SLC15A5: variants seen among roughly 807,000 people sequenced by gnomAD.
SLC15A5 encodes Peptide/histidine transporter ENSP00000340402.
In SLC15A5, 58 loss-of-function variants were observed where a neutral mutation model predicts 56.1. That is an observed-to-expected ratio of 1.03 (90% CI 0.84 to 1.29). SLC15A5 has a LOEUF of 1.29. Among genes scored for constraint, SLC15A5 ranks in the 50% most tolerant of loss-of-function variants. The pLI is 0.00. For missense variants in SLC15A5, 681 were observed against 672.1 expected (o/e 1.01, Z -0.15); for synonymous variants, 264 against 250.5 (o/e 1.05, Z -0.51).
intron 6 of SLC15A5, among the ~76,000 whole-genome samples, chr12:16,223,064 A>G (rs1282472442): frequency 6.6e-6 from 1 of 152,194 alleles, no homozygotes; most frequent in Non-Finnish European, 1.5e-5. Context: ...ATATATGCAT[A>G]TACTCCAACT....
intron 7 of SLC15A5, among the ~76,000 whole-genome samples, chr12:16,213,575 A>G (rs1368304211): frequency 6.6e-6 from 1 of 152,194 alleles, no homozygotes; most frequent in Non-Finnish European, 1.5e-5. Context: ...ATGCTACTAC[A>G]TCTTCTATTT....
chr12:16,208,370 A>C (rs1199955326), intron 7 of SLC15A5, among the ~76,000 whole-genome samples: 1 of 152,086 alleles, frequency 6.6e-6, no homozygotes, highest in Non-Finnish European at 1.5e-5. Context: ...AATACACTCA[A>C]ATGTCTCTCA....
chr12:16,229,651 C>T (rs1042287699), intron 5 of SLC15A5, among the ~76,000 whole-genome samples: 4 of 125,932 alleles, frequency 3.2e-5, no homozygotes, highest in African/African-American at 1.4e-4. Context: ...CACACATACA[C>T]ACACACACAC....
At chr12:16,189,865 T>C in intron 8 of SLC15A5, 50 bp from the exon 9 acceptor site, 1 of 1,329,012 alleles carries the variant, frequency 7.5e-7, no homozygotes, top group Non-Finnish European at 9.8e-7. Flanking sequence ...GTAGATGAAT[T>C]GATAAATCAT....
chr12:16,224,697 G>T, intron 5 of SLC15A5, 95 bp from the exon 6 acceptor site: 6 of 1,200,676 alleles, frequency 5.0e-6, no homozygotes, highest in East Asian at 2.6e-5. Context: ...GACATTAGAT[G>T]TTTCTTTTTT....
At position 16,237,879 on chromosome 12, in the gene SLC15A5, G is replaced by A. The variant is rs946378053; in HGVS notation, c.1162+1802C>T. Reference sequence around the variant, plus strand: ...ATTATGTTTCAATCATGGACTTGCTGAAGGTATATACAAACCATGTCTTAC... The same window carrying A: ...ATTATGTTTCAATCATGGACTTGCTAAAGGTATATACAAACCATGTCTTAC... On this transcript the variant is annotated intron_variant, in intron 5 of 8. Transcript: ENST00000344941. The surrounding 1 kb of genome is among the most constrained non-coding windows in gnomAD (Gnocchi z 4.1). Among the ~76,000 whole-genome samples the A allele has an allele frequency of 1.3e-5, 2 of 152,122 alleles. No homozygotes were observed. The highest frequency in any genetic ancestry group is 4.8e-5 in the African/African-American group (2 of 41,438).
At chr12:16,255,583 ATTAC>A (rs1338469290) in intron 3 of SLC15A5, among the ~76,000 whole-genome samples, 1 of 152,152 alleles carries the variant, frequency 6.6e-6, no homozygotes, top group African/African-American at 2.4e-5. Flanking sequence ...ATTTGGCAAT[ATTAC>A]TTCTAGGAAT....
intron 4 of SLC15A5, 39 bp from the exon 5 acceptor site, chr12:16,239,906 G>C: frequency 6.6e-7 from 1 of 1,504,218 alleles, no homozygotes; most frequent in Non-Finnish European, 8.9e-7. Context: ...TTAAGACAGG[G>C]GTTTAACTTT....
At chr12:16,221,015 T>A (rs747187215) in intron 6 of SLC15A5, among the ~76,000 whole-genome samples, 7 of 152,130 alleles carry the variant, frequency 4.6e-5, no homozygotes, top group Non-Finnish European at 1.0e-4. Flanking sequence ...ATAACATGTC[T>A]TAGTAGGGTA....
chr12:16,229,572 A>T (rs567698613), intron 5 of SLC15A5, among the ~76,000 whole-genome samples: 1 of 151,696 alleles, frequency 6.6e-6, no homozygotes, highest in African/African-American at 2.4e-5. Context: ...CAAGAATTGG[A>T]TCTAAGTTTG....
chr12:16,216,376 A>C (rs1017286937), intron 7 of SLC15A5, among the ~76,000 whole-genome samples: 4 of 152,190 alleles, frequency 2.6e-5, no homozygotes, highest in African/African-American at 9.6e-5. Flanking sequence ...TTAATATTTC[A>C]AACAATATTT....
Position 16,269,339 on chromosome 12 carries a change from A to G in SLC15A5, c.584+3222T>C, listed in dbSNP as rs1342148130. ...CACTGCGTTGGAACAGTGGTTCTCAACTCTAACTGGGCAGCTTTAAAAAAT... is the reference window on the plus strand; with the variant it reads ...CACTGCGTTGGAACAGTGGTTCTCAGCTCTAACTGGGCAGCTTTAAAAAAT... On this transcript the variant is annotated intron_variant, in intron 2 of 8. Coordinates refer to ENST00000344941, the MANE Select transcript of SLC15A5 (RefSeq NM_001170798.1). This position sits in a 1 kb window ranked among gnomAD's most constrained non-coding sequence, Gnocchi z 4.7. Among the ~76,000 whole-genome samples the G allele has an allele frequency of 6.6e-6, 1 of 152,114 alleles. No individual in the cohort carries two copies. The highest frequency in any genetic ancestry group is 1.5e-5 in the Non-Finnish European group (1 of 68,018).
At chr12:16,244,467 G>GC in intron 4 of SLC15A5, 113 bp downstream of exon 4, 4 of 937,110 alleles carry the variant, frequency 4.3e-6, no homozygotes, top group Non-Finnish European at 6.5e-6. Context: ...GGGGATAACT[G>GC]CCTGCCGACA....
At position 16,189,117 on chromosome 12, in the gene SLC15A5, TTTAAA is replaced by T. The variant is rs1863815676; in HGVS notation, c.*546_*550del. 1 of 152,178 alleles carries T rather than the reference TTTAAA, an allele frequency of 6.6e-6. No individual in the cohort carries two copies. The highest frequency in any genetic ancestry group is 2.4e-5 in the African/African-American group (1 of 41,458). 9.4% of individuals were successfully genotyped at this position (152,178 alleles called of 1,614,324 possible). A position where few individuals can be genotyped will look rare whatever the true frequency, so the allele number is the denominator to read the frequency against. Reference sequence around the variant, plus strand: ...GGACATCTATTTTAGTAATACTGCTTTTAAATTCAGAGAAAATGTCCTTAATGAAG... The same window carrying T: ...GGACATCTATTTTAGTAATACTGCTTTTCAGAGAAAATGTCCTTAATGAAG... On this transcript the variant is annotated 3_prime_UTR_variant, in exon 9 of 9. Coordinates refer to ENST00000344941, the MANE Select transcript of SLC15A5 (RefSeq NM_001170798.1).
intron 2 of SLC15A5, among the ~76,000 whole-genome samples, chr12:16,261,253 C>T (rs1864640494): frequency 6.6e-6 from 1 of 152,168 alleles, no homozygotes; most frequent in Non-Finnish European, 1.5e-5. Context: ...ATTTCCCCTT[C>T]CTCATCTCCA....
At chr12:16,206,848 C>T (rs1177480066) in intron 7 of SLC15A5, among the ~76,000 whole-genome samples, 1 of 152,116 alleles carries the variant, frequency 6.6e-6, no homozygotes, top group African/African-American at 2.4e-5. Flanking sequence ...GCATTGTTCA[C>T]CTGAGCTGCA....
chr12:16,256,830 G>C (rs1864578567), intron 3 of SLC15A5, among the ~76,000 whole-genome samples: 2 of 149,728 alleles, frequency 1.3e-5, no homozygotes, highest in South Asian at 4.3e-4. Flanking sequence ...CTGCACGCCA[G>C]CCTGGACGAC....
In SLC15A5 at chr12:16,237,676, A is replaced by G. The variant is rs1295701083; in HGVS notation, c.1162+2005T>C. 2.0e-5 allele frequency among the ~76,000 whole-genome samples: 3 copies of G among 152,276 alleles called. No individual in the cohort carries two copies. The South Asian group carries it at 6.2e-4, about 32-fold the overall frequency. The stretch of plus-strand genomic sequence containing the variant: ...AATTTAAGATTTCTTATTCTCAGGA[A>G]GAATTTATTTTAGCCATGTTGTATA... On this transcript the variant is annotated intron_variant, in intron 5 of 8. Transcript: ENST00000344941. This position sits in a 1 kb window ranked among gnomAD's most constrained non-coding sequence, Gnocchi z 4.1.
chr12:16,191,142 G>A (rs1034359357), intron 8 of SLC15A5, among the ~76,000 whole-genome samples: 1 of 152,068 alleles, frequency 6.6e-6, no homozygotes, highest in African/African-American at 2.4e-5. Context: ...TGGAGGGGTT[G>A]TTTTCAGTTT....
Sources: gnomAD v4.1 joint callset for allele counts (sites outside exome capture counted in the v4.1 genomes callset) on GRCh38, gnomAD v4.1.1 for gene constraint, Gnocchi (gnomAD v3.1) non-coding constraint, MANE v1.5 for transcripts, NCBI Gene and HGNC (gene_info 2026-07-23, HGNC 2026-07-21) for gene names.